Variants in DPP10 observed in about 807,000 individuals in gnomAD.
The protein encoded by DPP10 is dipeptidyl peptidase like 10.
A neutral mutation model predicts 120.9 loss-of-function variants in DPP10; 33 were observed. The ratio of observed to expected loss-of-function variants is 0.27; its 90% CI spans 0.21 to 0.37. The LOEUF (loss-of-function observed/expected upper bound fraction) is 0.37, where lower values mean the gene tolerates loss of function less well. Ranked by LOEUF, DPP10 falls within the 10% of genes least tolerant of loss-of-function variation. DPP10 has a pLI of 1.00. For synonymous variants in DPP10, 337 were observed against 326.1 expected, an observed-to-expected ratio of 1.03 and a Z score of -0.36; for missense variants, 816 against 942.8, an observed-to-expected ratio of 0.87 and a Z score of 1.76.
chr2:115,279,351 G>A lies in DPP10; in HGVS notation c.61-29888G>A, dbSNP rs191033318. Among the ~76,000 whole-genome samples the A allele has an allele frequency of 1.9e-3, 287 of 152,170 alleles. 1 individual carries two copies. Among genetic ancestry groups the A allele is most frequent in the Non-Finnish European group, 1.9e-3 (128 of 68,014 alleles). ...TGGAATGGACAGGGAGAGTGTCAAT[G>A]AGAAAAACAGGAGGAGGAGGAAATG... On this transcript the variant is annotated intron_variant, in intron 1 of 25. Coordinates refer to ENST00000410059, the MANE Select transcript of DPP10 (RefSeq NM_020868.6).
intron 1 of DPP10, among the ~76,000 whole-genome samples, chr2:115,034,249 T>C (rs917333655): frequency 6.6e-6 from 1 of 152,190 alleles, no homozygotes; most frequent in Admixed American, 6.5e-5. Context: ...CTCCTGATTT[T>C]CTTTCTATGT....
rs370586992 is a variant in DPP10 at position 115,223,520 on chromosome 2, G to T, written c.61-85719G>T. ...ATTTAGATAAGACATATTTGGTTTG[G>T]CGAGCTGTAAGGAGTTAATAGTTTT... is the stretch of plus-strand genomic sequence containing the variant. On this transcript the variant is annotated intron_variant, in intron 1 of 25. Transcript: ENST00000410059. Among the ~76,000 whole-genome samples, 4 of 152,220 alleles carry T rather than the reference G, an allele frequency of 2.6e-5. No homozygotes were observed. The South Asian group carries it at 8.3e-4, about 32-fold the overall frequency.
chr2:114,513,765 T>G (rs1048204878), intron 1 of DPP10, among the ~76,000 whole-genome samples: 1 of 152,190 alleles, frequency 6.6e-6, no homozygotes, highest in Admixed American at 6.5e-5. Flanking sequence ...TTTCCCCTTT[T>G]AGTTAGGTAA....
At chr2:115,279,108 A>G (rs1477849185) in intron 1 of DPP10, among the ~76,000 whole-genome samples, 1 of 152,160 alleles carries the variant, frequency 6.6e-6, no homozygotes, top group African/African-American at 2.4e-5. Flanking sequence ...ACCAAAATTA[A>G]CAGCTGATAT....
chr2:115,250,524 A>G (rs552004597), intron 1 of DPP10, among the ~76,000 whole-genome samples: 82 of 152,274 alleles, frequency 5.4e-4, no homozygotes, highest in African/African-American at 1.5e-3. Flanking sequence ...CTCAAAGGGA[A>G]TGTCTGAGCA....
At chr2:115,594,651 G>T (rs532203192) in intron 5 of DPP10, among the ~76,000 whole-genome samples, 1 of 152,170 alleles carries the variant, frequency 6.6e-6, no homozygotes, top group East Asian at 1.9e-4. Context: ...TTTCAAGCAT[G>T]CCTATCCAGG....
intron 1 of DPP10, among the ~76,000 whole-genome samples, chr2:114,790,433 G>C (rs1374855166): frequency 6.6e-6 from 1 of 152,104 alleles, no homozygotes; most frequent in African/African-American, 2.4e-5. Flanking sequence ...CATATTATGA[G>C]TATTAATTTA....
chr2:114,615,979 ACTAT>A (rs751372731), intron 1 of DPP10, among the ~76,000 whole-genome samples: 13 of 152,242 alleles, frequency 8.5e-5, no homozygotes, highest in Non-Finnish European at 1.5e-4. Context: ...GATGAGCCCA[ACTAT>A]CTATTTCTAG....
intron 3 of DPP10, among the ~76,000 whole-genome samples, chr2:115,351,591 C>T (rs904722076): frequency 2.0e-5 from 3 of 151,790 alleles, no homozygotes; most frequent in African/African-American, 7.3e-5. Flanking sequence ...TAATGACATA[C>T]CTAGTTCCTG....
chr2:115,245,670 C>A (rs1283954198), intron 1 of DPP10, among the ~76,000 whole-genome samples: 1 of 152,080 alleles, frequency 6.6e-6, no homozygotes, highest in East Asian at 1.9e-4. Flanking sequence ...GAAAAAAAGA[C>A]CCTTGCACAT....
At chr2:114,669,244 A>G (rs910826083) in intron 1 of DPP10, among the ~76,000 whole-genome samples, 5 of 152,180 alleles carry the variant, frequency 3.3e-5, no homozygotes, top group African/African-American at 1.2e-4. Context: ...TTGAGATAAC[A>G]ACAGTATCAA....
chr2:114,766,791 G>A (rs760298149), intron 1 of DPP10, among the ~76,000 whole-genome samples: 1 of 152,098 alleles, frequency 6.6e-6, no homozygotes, highest in Non-Finnish European at 1.5e-5. Context: ...AGAGATAGGG[G>A]TAGGATTTGA....
At position 115,004,504 on chromosome 2, in the gene DPP10, G is replaced by A. The variant is rs113108970; in HGVS notation, c.61-304735G>A. 9.4e-4 allele frequency among the ~76,000 whole-genome samples: 143 copies of A among 152,270 alleles called. 2 individuals carry two copies. Among genetic ancestry groups the A allele is most frequent in the African/African-American group, 3.3e-3 (138 of 41,570 alleles). ...GCCAGACAGTGGGCACAGGTCAGTG[G>A]GTGCGTGCACCGTGCGCGAGCCAAA... On this transcript the variant is annotated intron_variant, in intron 1 of 25. Transcript: ENST00000410059.
At chr2:115,012,919 T>C (rs1244536706) in intron 1 of DPP10, among the ~76,000 whole-genome samples, 1 of 152,138 alleles carries the variant, frequency 6.6e-6, no homozygotes, top group African/African-American at 2.4e-5. Context: ...AAAAACATGA[T>C]ATAGGATATG....
chr2:115,565,071 C>T (rs2080915645), intron 5 of DPP10, among the ~76,000 whole-genome samples: 1 of 152,060 alleles, frequency 6.6e-6, no homozygotes, highest in South Asian at 2.1e-4. Flanking sequence ...ATGTTATATA[C>T]CAGAAGCAGA....
intron 1 of DPP10, among the ~76,000 whole-genome samples, chr2:115,136,487 T>C (rs1352964157): frequency 1.3e-5 from 2 of 152,214 alleles, no homozygotes. Context: ...AAAATTATTC[T>C]TCTTGAAAGC....
intron 4 of DPP10, among the ~76,000 whole-genome samples, chr2:115,506,463 A>T (rs1366261668): frequency 6.6e-6 from 1 of 152,102 alleles, no homozygotes; most frequent in East Asian, 1.9e-4. Flanking sequence ...TCTTGAGACT[A>T]AGGAAAACAT....
At position 115,482,162 on chromosome 2, in the gene DPP10, A is replaced by G. The variant is rs2075474552; in HGVS notation, c.272-17348A>G. ...CCGTTTTGGTCATCACTATTTTTTC[A>G]TATACCTTTAAAAAATAAATTTATT... On this transcript the variant is annotated intron_variant, in intron 3 of 25. Transcript: ENST00000410059. 2.0e-5 allele frequency among the ~76,000 whole-genome samples: 3 copies of G among 151,950 alleles called. No individual in the cohort carries two copies. In the South Asian group the frequency reaches 6.2e-4, roughly 31 times the overall value.
At chr2:115,438,792 T>C (rs111447987) in intron 3 of DPP10, among the ~76,000 whole-genome samples, 27 of 143,430 alleles carry the variant, frequency 1.9e-4, no homozygotes, top group East Asian at 1.4e-3. Flanking sequence ...TGTGGAATAG[T>C]GGCTAAGATG....
Sources: allele counts gnomAD v4.1 joint callset (sites outside exome capture counted in the v4.1 genomes callset), GRCh38; gene constraint gnomAD v4.1.1; transcripts MANE v1.5; gene names NCBI Gene and HGNC (gene_info 2026-07-23, HGNC 2026-07-21).